Variants in SNRNP200 observed in about 807,000 individuals in gnomAD.
SNRNP200 encodes small nuclear ribonucleoprotein U5 subunit 200, also known as U5 small nuclear ribonucleoprotein 200 kDa helicase.
A neutral mutation model predicts 255.2 loss-of-function variants in SNRNP200; 66 were observed. The ratio of observed to expected loss-of-function variants is 0.26; its 90% CI spans 0.21 to 0.32. The LOEUF (loss-of-function observed/expected upper bound fraction) is 0.32. Ranked by LOEUF, SNRNP200 falls within the 10% of genes least tolerant of loss-of-function variation. SNRNP200 has a pLI of 1.00. For synonymous variants in SNRNP200, 939 were observed against 1,027.8 expected, an observed-to-expected ratio of 0.91 and a Z score of 1.65; for missense variants, 1,585 against 2,749.8, an observed-to-expected ratio of 0.58 and a Z score of 9.47.
At chr2:96,294,217 C>G (rs2063902224) in intron 14 of SNRNP200, among the ~76,000 whole-genome samples, 1 of 151,574 alleles carries the variant, frequency 6.6e-6, no homozygotes. Flanking sequence ...GTGCATCACC[C>G]AAGGCCAGGA....
intron 5 of SNRNP200, 121 bp from the exon 6 acceptor site, chr2:96,299,548 G>C (rs776354638): frequency 1.2e-6 from 1 of 834,400 alleles, no homozygotes; most frequent in Non-Finnish European, 2.0e-6. Context: ...GGGTGAAACC[G>C]AGAGCCTATT....
At chr2:96,304,415 C>T (rs1018509830) in intron 2 of SNRNP200, among the ~76,000 whole-genome samples, 2 of 152,142 alleles carry the variant, frequency 1.3e-5, no homozygotes, top group African/African-American at 4.8e-5. Flanking sequence ...AAACGAATTA[C>T]TGGGACATAG....
At chr2:96,299,483 G>T in intron 5 of SNRNP200, 56 bp from the exon 6 acceptor site, 1 of 1,421,228 alleles carries the variant, frequency 7.0e-7, no homozygotes, top group Non-Finnish European at 9.9e-7. Context: ...CATCACCACA[G>T]AACCTCTCCC....
Position 96,278,140 on chromosome 2 carries a change from C to T in SNRNP200, c.5610+97G>A, listed in dbSNP as rs1684700705. 11 of 1,585,422 alleles carry T rather than the reference C, an allele frequency of 6.9e-6. No homozygotes were observed. Among genetic ancestry groups the T allele is most frequent in the Admixed American group, 1.7e-5 (1 of 59,950 alleles). ...GACATATGGCGGGGGTCGGGGGATG[C>T]GTATGGGCGTGTTGGTGGCAGGGAT... On this transcript the variant is annotated intron_variant, in intron 39 of 44. Coordinates refer to ENST00000323853, the MANE Select transcript of SNRNP200 (RefSeq NM_014014.5). The surrounding 1 kb of genome is among the most constrained non-coding windows in gnomAD (Gnocchi z 6.9).
chr2:96,293,990 G>A (rs914362333), intron 14 of SNRNP200, among the ~76,000 whole-genome samples: 4 of 152,160 alleles, frequency 2.6e-5, no homozygotes, highest in Non-Finnish European at 5.9e-5. Context: ...GGTGTGGGGT[G>A]AGGCCACAAA....
Position 96,290,392 on chromosome 2 carries a change from C to T in SNRNP200, c.2676G>A (p.Gln892=). 1 of 1,614,194 alleles carries T rather than the reference C, an allele frequency of 6.2e-7. No homozygotes were observed. Among genetic ancestry groups the T allele is most frequent in the South Asian group, 1.1e-5 (1 of 91,078 alleles). Residue 892 remains glutamine, a synonymous_variant, in exon 20 of 45, where the codon CAG becomes CAA. Coordinates refer to ENST00000323853, the MANE Select transcript of SNRNP200 (RefSeq NM_014014.5). This position sits in a 1 kb window ranked among gnomAD's most constrained non-coding sequence, Gnocchi z 4.5. ...LLNQQLPIES[Q]MVSKLPDMLN... is the part of the protein sequence containing the mutation. ...GCATGTCAGGAAGCTTTGAAACCAT[C>T]TGGCTTTCAATAGGAAGTTGTTGAT... is the stretch of plus-strand genomic sequence containing the variant.
At position 96,283,842 on chromosome 2, in the gene SNRNP200, G is replaced by A. The variant is rs963285920; in HGVS notation, c.4555C>T (p.Arg1519Cys). The change falls in exon 32 of 45, where the codon CGT (arginine) becomes TGT (cysteine). Residue 1519 changes from arginine to cysteine, a missense_variant. Physicochemically the swap from Arg to Cys is radical, Grantham distance 180 (BLOSUM62 -3). This residue lies in a region of SNRNP200 where 719 missense variants were observed against 1,091.1 expected (regional missense o/e 0.66). Transcript: ENST00000323853. The surrounding 1 kb of genome is among the most constrained non-coding windows in gnomAD (Gnocchi z 4.7). ...ATGTGCAGCTCCAAGGGGACGGGAC[G>A]CACATTGGGATGGAAGTTGAAGGTG... ...TSTFNFHPNVRPVPLELHIQG... is the reference protein window; with the variant it reads ...TSTFNFHPNVCPVPLELHIQG... 9 of 1,604,446 alleles carry A rather than the reference G, an allele frequency of 5.6e-6. No individual in the cohort carries two copies. The highest frequency in any genetic ancestry group is 1.3e-5 in the African/African-American group (1 of 74,646).
At chr2:96,279,740 T>G (rs1295522191) in intron 35 of SNRNP200, 181 bp from the exon 36 acceptor site, 1 of 625,836 alleles carries the variant, frequency 1.6e-6, no homozygotes, top group Non-Finnish European at 2.9e-6. Flanking sequence ...CTGGCCTGTA[T>G]AACATTTTAG....
chr2:96,291,513 A>G lies in SNRNP200; in HGVS notation c.2311-11T>C. The stretch of plus-strand genomic sequence containing the variant: ...CTTCAGCTCTAGGTTCTGTGGAACA[A>G]AGAACCGGGGATGAGGCGAGCCTTC... On this transcript the variant is annotated splice_polypyrimidine_tract_variant and intron_variant, in intron 17 of 44. Coordinates refer to ENST00000323853, the MANE Select transcript of SNRNP200 (RefSeq NM_014014.5). The surrounding 1 kb of genome is among the most constrained non-coding windows in gnomAD (Gnocchi z 4.2). The G allele has an allele frequency of 6.4e-7, 1 of 1,560,638 alleles. No individual in the cohort carries two copies. Among genetic ancestry groups the G allele is most frequent in the Non-Finnish European group, 8.8e-7 (1 of 1,131,190 alleles).
chr2:96,298,535 C>T lies in SNRNP200; in HGVS notation c.982+68G>A. The T allele has an allele frequency of 1.9e-6, 3 of 1,607,378 alleles. No homozygotes were observed. In the South Asian group the frequency reaches 3.3e-5, roughly 18 times the overall value. On this transcript the variant is annotated intron_variant, in intron 8 of 44. Transcript: ENST00000323853. ...ACAAGCACTTAGGCTGTGAAAACAA[C>T]AGAATCTCTATGTCACACATGCACA...
rs187670771 is a variant in SNRNP200 at position 96,303,307 on chromosome 2, C to T, written c.233G>A (p.Arg78Gln). 8.7e-6 allele frequency: 14 copies of T among 1,614,100 alleles called. No homozygotes were observed. In the Admixed American group the frequency reaches 1.0e-4, roughly 12 times the overall value. Residue 78 changes from arginine to glutamine, a missense_variant, in exon 3 of 45, where the codon CGG becomes CAG. Physicochemically the swap from Arg to Gln is conservative, Grantham distance 43 (BLOSUM62 1). Transcript: ENST00000323853. ...ACCCTTCATCTTGTTGATGTCATGC[C>T]GGTCCTCATCACGCTTTCTTCGCCT... ...RAKRRKRDED[R>Q]HDINKMKGYT...
At chr2:96,276,019 A>G (rs1487870308) in intron 43 of SNRNP200, among the ~76,000 whole-genome samples, 1 of 152,190 alleles carries the variant, frequency 6.6e-6, no homozygotes, top group Non-Finnish European at 1.5e-5. Flanking sequence ...AAAAAAGAAA[A>G]AGCTTAACAC....
chr2:96,298,470 A>C, intron 8 of SNRNP200, 50 bp from the exon 9 acceptor site: 1 of 1,613,376 alleles, frequency 6.2e-7, no homozygotes, highest in Non-Finnish European at 8.5e-7. Flanking sequence ...AAATAAGGCA[A>C]AAAACCATCC....
intron 9 of SNRNP200, 83 bp from the exon 10 acceptor site, chr2:96,297,803 T>G: frequency 1.4e-6 from 2 of 1,436,802 alleles, no homozygotes; most frequent in Non-Finnish European, 2.0e-6. Context: ...GCTTAGCTAA[T>G]ACTTGAGTCA....
At chr2:96,301,147 G>A in intron 4 of SNRNP200, 94 bp from the exon 5 acceptor site, 1 of 1,050,650 alleles carries the variant, frequency 9.5e-7, no homozygotes, top group Non-Finnish European at 1.5e-6. Flanking sequence ...CCTCTCCTCA[G>A]GAAAGATCTA....
intron 34 of SNRNP200, 48 bp from the exon 35 acceptor site, chr2:96,281,970 G>A (rs752279927): frequency 1.1e-5 from 16 of 1,440,490 alleles, no homozygotes; most frequent in East Asian, 4.6e-5. Flanking sequence ...GTCTCCGGGT[G>A]AAGTAGGCTC....
At chr2:96,296,442 T>C in intron 13 of SNRNP200, 94 bp downstream of exon 13, 1 of 1,245,526 alleles carries the variant, frequency 8.0e-7, no homozygotes, top group Non-Finnish European at 1.2e-6. Flanking sequence ...ATGCCAGAGA[T>C]GCCCTAATAC....
At chr2:96,281,668 T>C in intron 35 of SNRNP200, 146 bp downstream of exon 35, 1 of 709,450 alleles carries the variant, frequency 1.4e-6, no homozygotes, top group East Asian at 2.7e-5. Flanking sequence ...GACACAAAAC[T>C]CTCAAACACT....
rs769208303 is a variant in SNRNP200, at chr2:96,289,370, G to T, written c.2950C>A (p.Leu984Met). ...KKTGNFQVTE[L>M]GRIASHYYIT... ...TAGTAGTGGCTGGCTATACGGCCCA[G>T]TTCTGTCACCTGGAGAGAAGGTAGA... The change falls in exon 22 of 45, where the codon CTG becomes ATG. Residue 984 changes from leucine to methionine, a missense_variant. By Grantham distance (15) the Leu-to-Met change is conservative (BLOSUM62 2). This residue lies in a region of SNRNP200 where 719 missense variants were observed against 1,091.1 expected (regional missense o/e 0.66). Coordinates refer to ENST00000323853, the MANE Select transcript of SNRNP200 (RefSeq NM_014014.5). The T allele has an allele frequency of 3.1e-6, 5 of 1,613,998 alleles. No individual in the cohort carries two copies. In the Middle Eastern group the frequency reaches 6.7e-4, roughly 215 times the overall value.
Sources: allele counts gnomAD v4.1 joint callset (sites outside exome capture counted in the v4.1 genomes callset), GRCh38; gene constraint gnomAD v4.1.1; regional missense constraint gnomAD v4.1.1; non-coding constraint Gnocchi (gnomAD v3.1); transcripts MANE v1.5; gene names NCBI Gene and HGNC (gene_info 2026-07-23, HGNC 2026-07-21).